Variants in TRIO observed in about 807,000 individuals in gnomAD.
TRIO encodes trio Rho guanine nucleotide exchange factor.
In TRIO, 58 loss-of-function variants were observed where a neutral mutation model predicts 351.9. The observed-to-expected ratio is 0.16, with a 90% CI of 0.13 to 0.21. The LOEUF (loss-of-function observed/expected upper bound fraction) is 0.21. Ranked by LOEUF, TRIO falls within the 10% of genes least tolerant of loss-of-function variation. TRIO has a pLI of 1.00. For synonymous variants in TRIO, 1,758 were observed against 1,595.7 expected, an observed-to-expected ratio of 1.10 and a Z score of -2.42; for missense variants, 3,201 against 4,027.8, an observed-to-expected ratio of 0.79 and a Z score of 5.56.
intron 28 of TRIO, among the ~76,000 whole-genome samples, chr5:14,396,113 A>G (rs1747551218): frequency 6.6e-6 from 1 of 151,374 alleles, no homozygotes; most frequent in African/African-American, 2.4e-5. Context: ...TCCTGTTATC[A>G]TTCATTTAAT....
chr5:14,498,181 G>A lies in TRIO; in HGVS notation c.8140G>A (p.Ala2714Thr), dbSNP rs1757023079. ...LRCRVCGRPKASITWKGPEHN... is the reference protein window; with the variant it reads ...LRCRVCGRPKTSITWKGPEHN... Reference sequence around the variant, plus strand: ...ATGTCGAGTCTGTGGCCGCCCCAAAGCCTCAATTACCTGGAAGGGCCCTGA... The same window carrying A: ...ATGTCGAGTCTGTGGCCGCCCCAAAACCTCAATTACCTGGAAGGGCCCTGA... Residue 2714 changes from alanine (A) to threonine (T), a missense_variant, in exon 52 of 57, where the codon GCC becomes ACC. Ala to Thr is a moderately conservative substitution (Grantham distance 58). Transcript: ENST00000344204. 6.2e-7 allele frequency: 1 copy of A among 1,614,178 alleles called. No individual in the cohort carries two copies. The highest frequency in any genetic ancestry group is 1.3e-5 in the African/African-American group (1 of 75,052).
chr5:14,365,442 A>G (rs747592338), intron 15 of TRIO, among the ~76,000 whole-genome samples: 1 of 152,190 alleles, frequency 6.6e-6, no homozygotes, highest in African/African-American at 2.4e-5. Context: ...CCTCTGGACC[A>G]TGAGCAGGAG....
intron 1 of TRIO, among the ~76,000 whole-genome samples, chr5:14,254,498 A>G (rs1413711351): frequency 1.3e-5 from 2 of 152,190 alleles, no homozygotes; most frequent in African/African-American, 4.8e-5. Flanking sequence ...TTGTCTGGTT[A>G]GTGCATTCCA....
At chr5:14,306,479 A>G (rs1170461694) in intron 8 of TRIO, among the ~76,000 whole-genome samples, 1 of 152,192 alleles carries the variant, frequency 6.6e-6, no homozygotes, top group African/African-American at 2.4e-5. Context: ...GCATTGTCTA[A>G]TTTTGACCTA....
chr5:14,485,325 T>C, intron 47 of TRIO, 79 bp downstream of exon 47: 5 of 1,423,694 alleles, frequency 3.5e-6, no homozygotes, highest in Non-Finnish European at 4.7e-6. Context: ...CTCCCATTCA[T>C]ATCCATAGTA....
intron 29 of TRIO, 102 bp downstream of exon 29, chr5:14,397,256 A>T: frequency 1.2e-6 from 1 of 843,556 alleles, no homozygotes; most frequent in Non-Finnish European, 1.8e-6. Flanking sequence ...TTATGTCTCT[A>T]TGTTAGTGGT....
chr5:14,328,739 C>T (rs1264503682), intron 9 of TRIO, among the ~76,000 whole-genome samples: 1 of 152,090 alleles, frequency 6.6e-6, no homozygotes, highest in African/African-American at 2.4e-5. Flanking sequence ...CACCACTGGG[C>T]AGGTAAGGAA....
rs191328297 is a variant in TRIO at position 14,277,559 on chromosome 5, C to T, written c.233-2763C>T. On this transcript the variant is annotated intron_variant, in intron 2 of 56. Coordinates refer to ENST00000344204, the MANE Select transcript of TRIO (RefSeq NM_007118.4). ...CCCGCCTGCCTCACCATGTGGCTTACGGTTGATAACACACACACATGAGTG... is the reference window on the plus strand; with the variant it reads ...CCCGCCTGCCTCACCATGTGGCTTATGGTTGATAACACACACACATGAGTG... 4.3e-3 allele frequency among the ~76,000 whole-genome samples: 661 copies of T among 152,278 alleles called. 4 individuals carry two copies. The highest frequency in any genetic ancestry group is 7.1e-3 in the Non-Finnish European group (486 of 68,034).
chr5:14,500,888 CAAA>C (rs34729667), intron 53 of TRIO, among the ~76,000 whole-genome samples: 1,222 of 63,534 alleles, frequency 0.019, 15 homozygotes, highest in African/African-American at 0.064. Context: ...GACTCTGCCT[CAAA>C]AAAAAAAAAA....
intron 1 of TRIO, among the ~76,000 whole-genome samples, chr5:14,207,685 C>G (rs995924221): frequency 1.6e-4 from 24 of 152,006 alleles, no homozygotes; most frequent in Non-Finnish European, 3.4e-4. Context: ...CAACTCCACC[C>G]TGGGCAATAG....
chr5:14,507,086 T>G (rs1757741937), intron 55 of TRIO, 36 bp from the exon 56 acceptor site: 1 of 1,539,318 alleles, frequency 6.5e-7, no homozygotes, highest in Non-Finnish European at 8.7e-7. Context: ...TCAAAGCAAA[T>G]CGCATCATAA....
intron 1 of TRIO, among the ~76,000 whole-genome samples, chr5:14,217,118 T>C (rs1052457989): frequency 6.6e-6 from 1 of 152,200 alleles, no homozygotes; most frequent in South Asian, 2.1e-4. Flanking sequence ...TGATCACCGG[T>C]CTTTTACATA....
chr5:14,245,633 G>T (rs963253899), intron 1 of TRIO, among the ~76,000 whole-genome samples: 1 of 152,216 alleles, frequency 6.6e-6, no homozygotes, highest in Non-Finnish European at 1.5e-5. Flanking sequence ...CAGATCAGTG[G>T]CCTTTGCAAT....
In TRIO at chr5:14,387,323, C is replaced by A. The variant is rs1331136864; in HGVS notation, c.3571-115C>A. The A allele has an allele frequency of 4.7e-6, 5 of 1,061,992 alleles. No homozygotes were observed. In the Admixed American group the frequency reaches 1.3e-4, roughly 27 times the overall value. The allele number at this position is 1,061,992 out of a possible 1,614,324, so 65.8% of individuals were successfully genotyped here. On this transcript the variant is annotated intron_variant, in intron 21 of 56. Transcript: ENST00000344204. Reference sequence around the variant, plus strand: ...CTGGGGCTTTGGTCTCAGTTTCTACCATCAGCCGGTTTTCCTGTTCAGAGC... The same window carrying A: ...CTGGGGCTTTGGTCTCAGTTTCTACAATCAGCCGGTTTTCCTGTTCAGAGC...
intron 9 of TRIO, among the ~76,000 whole-genome samples, chr5:14,319,585 C>T (rs952131468): frequency 2.0e-5 from 3 of 152,094 alleles, no homozygotes; most frequent in African/African-American, 7.2e-5. Flanking sequence ...ACATAGTAAG[C>T]CGGTTAGAGA....
intron 8 of TRIO, among the ~76,000 whole-genome samples, chr5:14,309,181 C>T (rs1738682650): frequency 6.7e-6 from 1 of 149,542 alleles, no homozygotes. Context: ...TGTGTTTGTG[C>T]ATTTCGAATC....
chr5:14,327,600 T>C (rs1197158601), intron 9 of TRIO, among the ~76,000 whole-genome samples: 2 of 152,196 alleles, frequency 1.3e-5, no homozygotes, highest in Non-Finnish European at 2.9e-5. Context: ...AATCATCAGG[T>C]TTGCTGCTTA....
chr5:14,232,529 A>C (rs770524937), intron 1 of TRIO, among the ~76,000 whole-genome samples: 1 of 152,244 alleles, frequency 6.6e-6, no homozygotes, highest in Non-Finnish European at 1.5e-5. Context: ...CCGCAAGGGC[A>C]GGAATTGTCT....
chr5:14,394,663 A>G lies in TRIO; in HGVS notation c.4311+533A>G, dbSNP rs7705289. On this transcript the variant is annotated intron_variant, in intron 28 of 56. Transcript: ENST00000344204. The stretch of plus-strand genomic sequence containing the variant: ...TCTTGTTGCTTGTCCCTGATGTCAC[A>G]CCCCTCGCGGCACACCTTGTCCATA... 8.4e-3 allele frequency among the ~76,000 whole-genome samples: 1,272 copies of G among 151,802 alleles called. 14 individuals are homozygous for G. The highest frequency in any genetic ancestry group is 0.029 in the African/African-American group (1,212 of 41,354).
Sources: allele counts gnomAD v4.1 joint callset (sites outside exome capture counted in the v4.1 genomes callset), GRCh38; gene constraint gnomAD v4.1.1; transcripts MANE v1.5; gene names NCBI Gene and HGNC (gene_info 2026-07-23, HGNC 2026-07-21).